ADAMTS20: variants seen among roughly 807,000 people sequenced by gnomAD.
ADAMTS20 encodes the protein ADAM metallopeptidase with thrombospondin type 1 motif 20.
Under a neutral mutation model 260.1 loss-of-function variants are expected in ADAMTS20, and 225 were observed. That is an observed-to-expected ratio of 0.87 (90% CI 0.78 to 0.97). The LOEUF (loss-of-function observed/expected upper bound fraction) is 0.97. ADAMTS20 is among the 50% of genes least tolerant of loss of function. The pLI, the probability that ADAMTS20 is intolerant of heterozygous loss-of-function variation, is 0.00. For missense variants in ADAMTS20, 2,400 were observed against 2,337.7 expected (o/e 1.03, Z -0.55); for synonymous variants, 802 against 769.5 (o/e 1.04, Z -0.70).
intron 29 of ADAMTS20, among the ~76,000 whole-genome samples, chr12:43,391,516 C>G (rs567093503): frequency 6.6e-6 from 1 of 152,276 alleles, no homozygotes; most frequent in East Asian, 1.9e-4. Context: ...AGCTTAACTA[C>G]AAGAGCTGTG....
chr12:43,510,953 A>G (rs983210752), intron 3 of ADAMTS20, among the ~76,000 whole-genome samples: 14 of 152,150 alleles, frequency 9.2e-5, no homozygotes, highest in African/African-American at 3.4e-4. Flanking sequence ...TTCTTCTCCC[A>G]TACAAAGTTT....
rs572543573 is a variant in ADAMTS20 at position 43,452,913 on chromosome 12, G to A, written c.1761-218C>T. On this transcript the variant is annotated intron_variant, in intron 12 of 38. Coordinates refer to ENST00000389420, the MANE Select transcript of ADAMTS20 (RefSeq NM_025003.5). ...GACAGTGAGCCTAGAGGGCAGAAAC[G>A]ATACCTTATTCTTGACTAGGTTAAC... is the stretch of plus-strand genomic sequence containing the variant. Among the ~76,000 whole-genome samples, 55 of 152,186 alleles carry A rather than the reference G, an allele frequency of 3.6e-4. No homozygotes were observed. The South Asian group carries it at 0.01, about 29-fold the overall frequency.
At chr12:43,421,552 G>C (rs909288791) in intron 28 of ADAMTS20, among the ~76,000 whole-genome samples, 1 of 151,998 alleles carries the variant, frequency 6.6e-6, no homozygotes, top group Admixed American at 6.5e-5. Context: ...GTTGAATTGT[G>C]TTACACGTAA....
rs201584877 is a variant in ADAMTS20 at position 43,386,621 on chromosome 12, CCAAT to C, written c.4453-2648_4453-2645del. ...ATTCTCCCTGTCACTTTCAGGTACA[CCAAT>C]CAAACATAGGTTTGGTCTTTTCACG... On this transcript the variant is annotated intron_variant, in intron 29 of 38. Coordinates refer to ENST00000389420, the MANE Select transcript of ADAMTS20 (RefSeq NM_025003.5). 4.9e-3 allele frequency among the ~76,000 whole-genome samples: 741 copies of C among 152,300 alleles called. 8 individuals are homozygous for C. The highest frequency in any genetic ancestry group is 0.016 in the African/African-American group (670 of 41,562).
intron 29 of ADAMTS20, among the ~76,000 whole-genome samples, chr12:43,385,112 G>A (rs1940443700): frequency 6.6e-6 from 1 of 152,188 alleles, no homozygotes; most frequent in African/African-American, 2.4e-5. Flanking sequence ...ATCCTCTCCA[G>A]CATCTGTTGT....
chr12:43,471,418 C>T (rs1165878521), intron 7 of ADAMTS20, among the ~76,000 whole-genome samples: 8 of 110,326 alleles, frequency 7.3e-5, no homozygotes, highest in African/African-American at 2.5e-4. Flanking sequence ...GAGGGGCGCC[C>T]GCCATTGCCC....
chr12:43,391,312 A>AT (rs377594194), intron 29 of ADAMTS20, among the ~76,000 whole-genome samples: 1 of 152,054 alleles, frequency 6.6e-6, no homozygotes, highest in Admixed American at 6.6e-5. Flanking sequence ...ACACATGCAT[A>AT]TTTTTTTTCA....
chr12:43,398,442 G>A (rs149291838), intron 29 of ADAMTS20, among the ~76,000 whole-genome samples: 1,730 of 152,068 alleles, frequency 0.011, 10 homozygotes, highest in Non-Finnish European at 0.017. Flanking sequence ...TTCATTTTTG[G>A]TGAGTCTTTT....
At chr12:43,398,852 T>TA (rs979092606) in intron 29 of ADAMTS20, among the ~76,000 whole-genome samples, 1 of 152,090 alleles carries the variant, frequency 6.6e-6, no homozygotes, top group Admixed American at 6.6e-5. Flanking sequence ...CTTAATTTTT[T>TA]AAAAAATCAA....
intron 29 of ADAMTS20, among the ~76,000 whole-genome samples, chr12:43,390,668 ACTTTCCTACACTGTC>A (rs1240502781): frequency 6.6e-6 from 1 of 152,114 alleles, no homozygotes; most frequent in Non-Finnish European, 1.5e-5. Context: ...GCAAGCATGG[ACTTTCCTACACTGTC>A]CAATAACAAT....
chr12:43,452,523 A>G lies in ADAMTS20; in HGVS notation c.1933T>C (p.Tyr645His). The change falls in exon 13 of 39, where the codon TAC (tyrosine) becomes CAC (histidine). Residue 645 changes from tyrosine (Y) to histidine (H), a missense_variant. By Grantham distance (83) the Tyr-to-His change is moderately conservative (BLOSUM62 2). Coordinates refer to ENST00000389420, the MANE Select transcript of ADAMTS20 (RefSeq NM_025003.5). ...IPSNVRWLPR[Y>H]SGIGTKDRCK... ...AGCATAATTTACTTACTGCCACTGT[A>G]TCTTGGAAGCCACCTCACATTAGAG... is the stretch of plus-strand genomic sequence containing the variant. 6.2e-7 allele frequency: 1 copy of G among 1,612,184 alleles called. No individual in the cohort carries two copies. The highest frequency in any genetic ancestry group is 2.2e-5 in the East Asian group (1 of 44,822).
At chr12:43,396,945 C>G (rs1940716945) in intron 29 of ADAMTS20, among the ~76,000 whole-genome samples, 2 of 152,168 alleles carry the variant, frequency 1.3e-5, no homozygotes, top group African/African-American at 4.8e-5. Context: ...TCCCATGCCC[C>G]CGTGGCTCCT....
rs145506323 is a variant in ADAMTS20 at position 43,502,261 on chromosome 12, C to T, written c.758G>A (p.Arg253His). The T allele has an allele frequency of 8.3e-5, 133 of 1,612,116 alleles. No individual in the cohort carries two copies. The highest frequency in any genetic ancestry group is 9.8e-5 in the Non-Finnish European group (116 of 1,179,306). The change falls in exon 4 of 39, where the codon CGT becomes CAT. Residue 253 changes from arginine to histidine, a missense_variant. Arg to His is a conservative substitution (Grantham distance 29, BLOSUM62 0). Transcript: ENST00000389420. ...KDERRHSRKKRLISYPRYIEI... is the reference protein window; with the variant it reads ...KDERRHSRKKHLISYPRYIEI... ...AATGTATCTTGGATATGATATAAGA[C>T]GTTTTTTCCTGGAATGTCTTCTTTC...
rs1470869895 is a variant in ADAMTS20, at chr12:43,377,302, C to T, written c.4995+63G>A. 5 of 1,431,616 alleles carry T rather than the reference C, an allele frequency of 3.5e-6. No homozygotes were observed. In the East Asian group the frequency reaches 1.2e-4, roughly 35 times the overall value. 88.7% of individuals were successfully genotyped at this position (1,431,616 alleles called of 1,614,324 possible). ...TCTAGTTAGACATACAAACAGATTACCAGATTTCCCACACCTAGAAAGTCT... is the reference window on the plus strand; with the variant it reads ...TCTAGTTAGACATACAAACAGATTATCAGATTTCCCACACCTAGAAAGTCT... On this transcript the variant is annotated intron_variant, in intron 32 of 38. Transcript: ENST00000389420.
intron 31 of ADAMTS20, among the ~76,000 whole-genome samples, chr12:43,379,006 A>T (rs1940290596): frequency 6.6e-6 from 1 of 152,202 alleles, no homozygotes; most frequent in Admixed American, 6.5e-5. Flanking sequence ...TTCTAGCTCC[A>T]TGGTAACCTT....
Position 43,521,098 on chromosome 12 carries a change from T to C in ADAMTS20, c.613+10938A>G, listed in dbSNP as rs527755964. Among the ~76,000 whole-genome samples the C allele has an allele frequency of 3.0e-4, 46 of 152,326 alleles. No individual in the cohort carries two copies. In the Middle Eastern group the frequency reaches 0.01, roughly 34 times the overall value. On this transcript the variant is annotated intron_variant, in intron 3 of 38. Transcript: ENST00000389420. Reference sequence around the variant, plus strand: ...CTGGTAAATGCCTGATCCCTTTAGCTGTAAGGTTAAAAAGTTAATAAGTTA... The same window carrying C: ...CTGGTAAATGCCTGATCCCTTTAGCCGTAAGGTTAAAAAGTTAATAAGTTA...
Position 43,425,616 on chromosome 12 carries a change from T to G in ADAMTS20, c.4182A>C (p.Glu1394Asp). Reference sequence around the variant, plus strand: ...TGTTTACAATTTCACAGTTGTGATCTTCTAATATTTGGCCATTGGGAAATT... The same window carrying G: ...TGTTTACAATTTCACAGTTGTGATCGTCTAATATTTGGCCATTGGGAAATT... ...ICQFPNGQIL[E>D]DHNCEIVNKP... Residue 1394 changes from glutamate (E) to aspartate (D), a missense_variant, in exon 28 of 39, where the codon GAA becomes GAC. Coordinates refer to ENST00000389420, the MANE Select transcript of ADAMTS20 (RefSeq NM_025003.5). 6.2e-7 allele frequency: 1 copy of G among 1,611,404 alleles called. No individual in the cohort carries two copies. The highest frequency in any genetic ancestry group is 2.2e-5 in the East Asian group (1 of 44,816).
intron 3 of ADAMTS20, among the ~76,000 whole-genome samples, chr12:43,506,965 C>T (rs542485695): frequency 5.4e-4 from 82 of 152,034 alleles, no homozygotes; most frequent in African/African-American, 1.8e-3. Flanking sequence ...GTGAGGGAAA[C>T]GAGGAGAGGC....
At chr12:43,448,287 A>G (rs1941799839) in intron 14 of ADAMTS20, among the ~76,000 whole-genome samples, 3 of 152,292 alleles carry the variant, frequency 2.0e-5, no homozygotes, top group South Asian at 4.1e-4. Context: ...TGGTACAAAA[A>G]CAGACACACA....
Sources: gnomAD v4.1 joint callset for allele counts (sites outside exome capture counted in the v4.1 genomes callset) on GRCh38, gnomAD v4.1.1 for gene constraint, MANE v1.5 for transcripts, NCBI Gene and HGNC (gene_info 2026-07-23, HGNC 2026-07-21) for gene names.